PPFIBP1: variants seen among roughly 807,000 people sequenced by gnomAD.
PPFIBP1 encodes the protein PPFIB scaffold protein 1.
Under a neutral mutation model 137.8 loss-of-function variants are expected in PPFIBP1, and 112 were observed. The observed-to-expected ratio is 0.81, with a 90% CI of 0.70 to 0.95. The LOEUF (loss-of-function observed/expected upper bound fraction) is 0.95, where lower values mean the gene tolerates loss of function less well. PPFIBP1 is among the 40% of genes least tolerant of loss of function. The probability of loss-of-function intolerance (pLI) is 0.00; values close to 1 mark genes in which losing one functional copy is unlikely to be tolerated. For synonymous variants in PPFIBP1, 378 were observed against 417.3 expected (o/e 0.91, Z 1.15); for missense variants, 1,083 against 1,196.6 (o/e 0.91, Z 1.40).
At chr12:27,633,155 G>T (rs142342304) in intron 2 of PPFIBP1, among the ~76,000 whole-genome samples, 1 of 152,114 alleles carries the variant, frequency 6.6e-6, no homozygotes, top group Non-Finnish European at 1.5e-5. Flanking sequence ...TCAAGTGCAA[G>T]AATGGAATCT....
In PPFIBP1 at chr12:27,654,725, C is replaced by G. The variant is rs2059091028; in HGVS notation, c.607C>G (p.Leu203Val). Residue 203 changes from leucine to valine, a missense_variant, in exon 8 of 30, where the codon CTG becomes GTG. Coordinates refer to ENST00000228425, the MANE Select transcript of PPFIBP1 (RefSeq NM_003622.4). ...TTTCTTGTTTCTTCTTGGACAGGGG[C>G]TGATTCAGGAGATCAATGATTTGAG... ...YEDKFRDTEG[L>V]IQEINDLRLK... The G allele has an allele frequency of 6.2e-7, 1 of 1,610,474 alleles. No individual in the cohort carries two copies. Among genetic ancestry groups the G allele is most frequent in the Non-Finnish European group, 8.5e-7 (1 of 1,179,256 alleles).
At chr12:27,633,079 G>A (rs770642783) in intron 2 of PPFIBP1, among the ~76,000 whole-genome samples, 1 of 152,158 alleles carries the variant, frequency 6.6e-6, no homozygotes, top group Non-Finnish European at 1.5e-5. Flanking sequence ...CATCCCTGTT[G>A]CCCTTTACAG....
intron 17 of PPFIBP1, among the ~76,000 whole-genome samples, chr12:27,675,749 A>G (rs1210658296): frequency 6.6e-6 from 1 of 152,186 alleles, no homozygotes; most frequent in African/African-American, 2.4e-5. Flanking sequence ...TAGGGGAAAC[A>G]CTTCATGACA....
chr12:27,593,591 A>ATCT, intron 2 of PPFIBP1: 1 of 401,408 alleles, frequency 2.5e-6, no homozygotes, highest in Non-Finnish European at 4.7e-6. Flanking sequence ...CAGCATCATC[A>ATCT]TCTTCATTGT....
chr12:27,613,054 C>T (rs1309052716), intron 2 of PPFIBP1, among the ~76,000 whole-genome samples: 1 of 152,096 alleles, frequency 6.6e-6, no homozygotes, highest in Non-Finnish European at 1.5e-5. Flanking sequence ...ATGCCTGGTA[C>T]CCCATCTCTC....
chr12:27,557,529 G>A (rs888602274), intron 1 of PPFIBP1, among the ~76,000 whole-genome samples: 6 of 152,174 alleles, frequency 3.9e-5, no homozygotes, highest in East Asian at 3.9e-4. Flanking sequence ...CACCACGCCC[G>A]GCTACATCAT....
chr12:27,654,591 G>T, intron 7 of PPFIBP1, 131 bp from the exon 8 acceptor site: 1 of 1,156,148 alleles, frequency 8.6e-7, no homozygotes. Flanking sequence ...ATTTCCATTT[G>T]TCTCATCTGA....
intron 13 of PPFIBP1, among the ~76,000 whole-genome samples, chr12:27,668,276 G>A (rs568127338): frequency 1.3e-5 from 2 of 152,198 alleles, no homozygotes; most frequent in South Asian, 4.2e-4. Context: ...AGCTTCTTGA[G>A]GACTCTTTCA....
chr12:27,665,552 A>AGTTGT (rs2059807898), intron 12 of PPFIBP1, among the ~76,000 whole-genome samples: 1 of 152,112 alleles, frequency 6.6e-6, no homozygotes, highest in South Asian at 2.1e-4. Flanking sequence ...ACATAAAGAG[A>AGTTGT]GTTGTGCATT....
chr12:27,664,377 G>GATC lies in PPFIBP1; in HGVS notation c.923_925dup (p.Asp308_Leu309insHis). ...TTATTCCTAGGATCGGAAAATAGAA[G>GATC]ATCTTCGACAGTGCCTGAACAGGTA... is the stretch of plus-strand genomic sequence containing the variant. On this transcript the variant is annotated inframe_insertion, in exon 12 of 30. Coordinates refer to ENST00000228425, the MANE Select transcript of PPFIBP1 (RefSeq NM_003622.4). 6.2e-7 allele frequency: 1 copy of GATC among 1,610,538 alleles called. No homozygotes were observed. The highest frequency in any genetic ancestry group is 8.5e-7 in the Non-Finnish European group (1 of 1,177,140).
intron 2 of PPFIBP1, among the ~76,000 whole-genome samples, chr12:27,595,900 T>A (rs1447752906): frequency 0.068 from 7,727 of 113,536 alleles, 226 homozygotes; most frequent in African/African-American, 0.11. Context: ...TATATATATA[T>A]ATATATATAT....
intron 26 of PPFIBP1, among the ~76,000 whole-genome samples, 188 bp from the exon 27 acceptor site, chr12:27,688,827 A>C (rs1593402330): frequency 6.6e-6 from 1 of 152,208 alleles, no homozygotes; most frequent in Non-Finnish European, 1.5e-5. Context: ...ATCACTCACT[A>C]ACTTGGGAGA....
chr12:27,670,131 C>A (rs1200520090), intron 13 of PPFIBP1, among the ~76,000 whole-genome samples: 1 of 151,644 alleles, frequency 6.6e-6, no homozygotes, highest in Non-Finnish European at 1.5e-5. Context: ...TTTTTTTTTA[C>A]TGAAATATTT....
chr12:27,556,829 A>G (rs952832730), intron 1 of PPFIBP1, among the ~76,000 whole-genome samples: 1 of 152,114 alleles, frequency 6.6e-6, no homozygotes, highest in African/African-American at 2.4e-5. Flanking sequence ...GGGCTAATAA[A>G]TTAATATATG....
intron 2 of PPFIBP1, among the ~76,000 whole-genome samples, chr12:27,621,881 C>A (rs2056375778): frequency 6.6e-6 from 1 of 152,140 alleles, no homozygotes; most frequent in Non-Finnish European, 1.5e-5. Context: ...AACTTTAACA[C>A]AAAATATATA....
At chr12:27,544,722 C>G (rs977622873) in intron 1 of PPFIBP1, among the ~76,000 whole-genome samples, 3 of 152,134 alleles carry the variant, frequency 2.0e-5, no homozygotes, top group Non-Finnish European at 4.4e-5. Flanking sequence ...GAATGGCAAT[C>G]ATTAAATAGT....
chr12:27,645,446 TTA>T (rs1054699271), intron 4 of PPFIBP1, among the ~76,000 whole-genome samples: 18 of 140,926 alleles, frequency 1.3e-4, no homozygotes, highest in African/African-American at 2.6e-4. Flanking sequence ...TGATTTTTTT[TTA>T]AAAAAGTGTG....
intron 1 of PPFIBP1, among the ~76,000 whole-genome samples, chr12:27,550,005 A>G (rs1321449745): frequency 6.6e-6 from 1 of 152,256 alleles, no homozygotes; most frequent in East Asian, 1.9e-4. Flanking sequence ...ATAGGGTGTG[A>G]CTTAAATGCT....
At chr12:27,539,023 A>C (rs1945363415) in intron 1 of PPFIBP1, among the ~76,000 whole-genome samples, 1 of 152,218 alleles carries the variant, frequency 6.6e-6, no homozygotes, top group African/African-American at 2.4e-5. Flanking sequence ...TGCACAGGAC[A>C]GCCCCCCACC....
Sources: allele counts gnomAD v4.1 joint callset (sites outside exome capture counted in the v4.1 genomes callset), GRCh38; gene constraint gnomAD v4.1.1; transcripts MANE v1.5; gene names NCBI Gene and HGNC (gene_info 2026-07-23, HGNC 2026-07-21).